PTPRN2: variants seen among roughly 807,000 people sequenced by gnomAD.
The protein encoded by PTPRN2 is receptor-type tyrosine-protein phosphatase N2.
Under a neutral mutation model 118.8 loss-of-function variants are expected in PTPRN2, and 74 were observed. The observed-to-expected ratio is 0.62, with a 90% CI of 0.52 to 0.76. The LOEUF (loss-of-function observed/expected upper bound fraction) is 0.76. Among genes scored for constraint, PTPRN2 ranks in the 30% least tolerant of loss-of-function variants. PTPRN2 has a pLI of 0.00. For missense variants in PTPRN2, 1,481 were observed against 1,394.4 expected (o/e 1.06, Z -0.99); for synonymous variants, 641 against 608.0 (o/e 1.05, Z -0.80).
chr7:157,704,303 A>C (rs1460567001), intron 12 of PTPRN2, among the ~76,000 whole-genome samples: 1 of 152,148 alleles, frequency 6.6e-6, no homozygotes, highest in Non-Finnish European at 1.5e-5. Flanking sequence ...GGTGGCATCC[A>C]CACCCTCAGG....
intron 2 of PTPRN2, among the ~76,000 whole-genome samples, chr7:158,401,084 C>T (rs1812912154): frequency 1.3e-5 from 2 of 152,284 alleles, no homozygotes; most frequent in Admixed American, 1.3e-4. Context: ...AGCGGCACCG[C>T]CACCAGCAAG....
intron 12 of PTPRN2, among the ~76,000 whole-genome samples, chr7:157,761,292 G>A (rs1375484145): frequency 1.8e-4 from 27 of 151,902 alleles, no homozygotes; most frequent in African/African-American, 6.0e-4. Flanking sequence ...ACATTGCCAA[G>A]TCAATCCTAA....
chr7:157,800,068 A>T (rs1027271671), intron 12 of PTPRN2, among the ~76,000 whole-genome samples: 6 of 147,114 alleles, frequency 4.1e-5, no homozygotes, highest in Non-Finnish European at 6.0e-5. Context: ...CCCATCCCTT[A>T]GAGGTACCAC....
chr7:158,334,652 A>G (rs1805232279), intron 2 of PTPRN2, among the ~76,000 whole-genome samples: 1 of 90,052 alleles, frequency 1.1e-5, no homozygotes, highest in African/African-American at 3.7e-5. Context: ...CTCTCACCAT[A>G]ATTGGTGACA....
chr7:158,450,883 G>A (rs1464419170), intron 2 of PTPRN2, among the ~76,000 whole-genome samples: 1 of 152,144 alleles, frequency 6.6e-6, no homozygotes, highest in Non-Finnish European at 1.5e-5. Flanking sequence ...AACCTCAGCC[G>A]CAGCAAACAC....
At chr7:157,776,225 CCTTCT>C (rs1172234204) in intron 12 of PTPRN2, among the ~76,000 whole-genome samples, 1 of 140,564 alleles carries the variant, frequency 7.1e-6, no homozygotes, top group Non-Finnish European at 1.6e-5. Flanking sequence ...TCCTCCTCCT[CCTTCT>C]CATCTTCCTC....
In PTPRN2 at chr7:157,890,456, A is replaced by G. The variant is rs555159130; in HGVS notation, c.1788+8217T>C. 3.3e-4 allele frequency among the ~76,000 whole-genome samples: 51 copies of G among 152,298 alleles called. No individual in the cohort carries two copies. The South Asian group carries it at 9.8e-3, about 29-fold the overall frequency. ...GGACATCAAAACCATCCTGGCTAAC[A>G]CGGTGAAACCCCGTCTCTACTAAAA... On this transcript the variant is annotated intron_variant, in intron 12 of 22. Transcript: ENST00000389418.
intron 2 of PTPRN2, among the ~76,000 whole-genome samples, chr7:158,336,993 A>G (rs1805704680): frequency 1.5e-5 from 1 of 65,992 alleles, no homozygotes; most frequent in South Asian, 8.2e-4. Flanking sequence ...CGCAGACGTC[A>G]CTCACACCCA....
intron 5 of PTPRN2, among the ~76,000 whole-genome samples, chr7:158,187,331 G>T (rs1176797491): frequency 6.6e-6 from 1 of 152,180 alleles, no homozygotes; most frequent in Non-Finnish European, 1.5e-5. Flanking sequence ...TGGGTACATA[G>T]AAAACAATGA....
At chr7:158,029,186 TCGCCGGGGGCACGGGG>T (rs1392869084) in intron 11 of PTPRN2, 3 of 128,658 alleles carry the variant, frequency 2.3e-5, no homozygotes, top group Non-Finnish European at 5.1e-5. Flanking sequence ...CCGTATCCAC[TCGCCGGGGGCACGGGG>T]TCCGTATCCT....
At chr7:158,370,065 C>T (rs937041670) in intron 2 of PTPRN2, among the ~76,000 whole-genome samples, 7 of 152,238 alleles carry the variant, frequency 4.6e-5, no homozygotes, top group South Asian at 2.1e-4. Flanking sequence ...ACGATGGGAA[C>T]GAGGTGATCA....
At chr7:158,111,262 G>A (rs1816244790) in intron 9 of PTPRN2, among the ~76,000 whole-genome samples, 1 of 152,200 alleles carries the variant, frequency 6.6e-6, no homozygotes, top group Non-Finnish European at 1.5e-5. Context: ...CATGGAGAAA[G>A]CATCTGTTTT....
intron 14 of PTPRN2, among the ~76,000 whole-genome samples, chr7:157,634,076 T>C (rs908157042): frequency 1.3e-5 from 2 of 152,146 alleles, no homozygotes; most frequent in African/African-American, 4.8e-5. Flanking sequence ...GTGCACCGCG[T>C]CCTGCAGGCA....
At chr7:157,883,221 CAT>C (rs1443164394) in intron 12 of PTPRN2, among the ~76,000 whole-genome samples, 1 of 150,364 alleles carries the variant, frequency 6.7e-6, no homozygotes, top group Admixed American at 6.6e-5. Flanking sequence ...GATCAGAACA[CAT>C]CACCCCAAAA....
intron 6 of PTPRN2, among the ~76,000 whole-genome samples, chr7:158,143,947 C>T (rs568336818): frequency 3.9e-4 from 59 of 152,252 alleles, no homozygotes; most frequent in Admixed American, 3.3e-4. Flanking sequence ...CCCCCGCAGC[C>T]GGAGCTCCCC....
intron 11 of PTPRN2, among the ~76,000 whole-genome samples, chr7:157,928,206 A>C (rs1799138702): frequency 6.6e-6 from 1 of 152,170 alleles, no homozygotes; most frequent in African/African-American, 2.4e-5. Context: ...GCAGGGCCAT[A>C]GGCAGATACA....
At chr7:157,766,052 CTCCA>C (rs149263071) in intron 12 of PTPRN2, among the ~76,000 whole-genome samples, 3,446 of 150,034 alleles carry the variant, frequency 0.023, 76 homozygotes, top group African/African-American at 0.049. Context: ...TTCATCCTTC[CTCCA>C]TCCATCCATC....
At chr7:158,137,746 G>A (rs1275170645) in intron 7 of PTPRN2, among the ~76,000 whole-genome samples, 2 of 152,230 alleles carry the variant, frequency 1.3e-5, no homozygotes, top group Admixed American at 6.5e-5. Flanking sequence ...TTGTGGGGCT[G>A]CCATGTGTGG....
chr7:158,083,984 G>A (rs1813050882), intron 10 of PTPRN2, among the ~76,000 whole-genome samples: 3 of 79,236 alleles, frequency 3.8e-5, no homozygotes, highest in Non-Finnish European at 9.1e-5. Context: ...CCCCACTACA[G>A]GTCTAACTCC....
Sources: gnomAD v4.1 joint callset for allele counts (sites outside exome capture counted in the v4.1 genomes callset) on GRCh38, gnomAD v4.1.1 for gene constraint, MANE v1.5 for transcripts, NCBI Gene and HGNC (gene_info 2026-07-23, HGNC 2026-07-21) for gene names.